Variants in CD2AP observed in about 807,000 individuals in gnomAD.
CD2AP encodes the protein CD2 associated protein.
A neutral mutation model predicts 85.1 loss-of-function variants in CD2AP; 46 were observed. That is an observed-to-expected ratio of 0.54 (90% CI 0.43 to 0.69). CD2AP has a LOEUF of 0.69. Among genes scored for constraint, CD2AP ranks in the 30% least tolerant of loss-of-function variants. The pLI, the probability that CD2AP is intolerant of heterozygous loss-of-function variation, is 0.00. For synonymous variants in CD2AP, 255 were observed against 252.9 expected, an observed-to-expected ratio of 1.01 and a Z score of -0.08; for missense variants, 769 against 729.5, an observed-to-expected ratio of 1.05 and a Z score of -0.62.
At chr6:47,485,797 C>T (rs571687586) in intron 1 of CD2AP, among the ~76,000 whole-genome samples, 3 of 152,228 alleles carry the variant, frequency 2.0e-5, no homozygotes, top group Non-Finnish European at 4.4e-5. Flanking sequence ...TTTAAATATA[C>T]AGATACTTAA....
rs933075061 is a variant in CD2AP at position 47,614,556 on chromosome 6, C to T, written c.1878+2020C>T. On this transcript the variant is annotated intron_variant, in intron 17 of 17. Transcript: ENST00000359314. ...CAATTACAATATTAACATCAAAGAT[C>T]ACTGGTCACAAATCACCATTAACAT... Among the ~76,000 whole-genome samples, 5 of 152,244 alleles carry T rather than the reference C, an allele frequency of 3.3e-5. 1 individual carries two copies. The South Asian group carries it at 6.2e-4, about 19-fold the overall frequency.
intron 11 of CD2AP, among the ~76,000 whole-genome samples, chr6:47,590,105 A>T (rs1768750638): frequency 6.6e-6 from 1 of 152,114 alleles, no homozygotes; most frequent in African/African-American, 2.4e-5. Context: ...ATAATTAGGC[A>T]TACTGATAGA....
chr6:47,591,372 A>G (rs1768787780), intron 11 of CD2AP, among the ~76,000 whole-genome samples: 1 of 152,146 alleles, frequency 6.6e-6, no homozygotes, highest in Non-Finnish European at 1.5e-5. Flanking sequence ...TATACTTACC[A>G]TTTCTGAAAA....
chr6:47,501,027 G>A (rs1765984665), intron 1 of CD2AP, among the ~76,000 whole-genome samples: 2 of 152,162 alleles, frequency 1.3e-5, no homozygotes, highest in African/African-American at 2.4e-5. Context: ...GATTATGGGC[G>A]TGAGCCACTG....
chr6:47,551,819 C>G (rs1277568351), intron 4 of CD2AP, among the ~76,000 whole-genome samples: 1 of 152,144 alleles, frequency 6.6e-6, no homozygotes, highest in Non-Finnish European at 1.5e-5. Context: ...AAGACTGTAA[C>G]TGCCAATTGG....
At chr6:47,562,410 G>A (rs1767886786) in intron 5 of CD2AP, among the ~76,000 whole-genome samples, 1 of 152,110 alleles carries the variant, frequency 6.6e-6, no homozygotes, top group South Asian at 2.1e-4. Context: ...AATGATGAGA[G>A]CTAGGAATAA....
At chr6:47,613,508 C>CTT (rs34881852) in intron 17 of CD2AP, among the ~76,000 whole-genome samples, 51 of 147,170 alleles carry the variant, frequency 3.5e-4, no homozygotes, top group Middle Eastern at 3.5e-3. Flanking sequence ...AAAAATAATC[C>CTT]TTTTTTTTTT....
intron 4 of CD2AP, among the ~76,000 whole-genome samples, chr6:47,551,953 C>T (rs1410474465): frequency 6.6e-6 from 1 of 152,028 alleles, no homozygotes; most frequent in Admixed American, 6.6e-5. Context: ...CACATATTAG[C>T]TTTATTGCCC....
chr6:47,491,823 T>A lies in CD2AP; in HGVS notation c.5-11457T>A, dbSNP rs183508550. 4.7e-3 allele frequency among the ~76,000 whole-genome samples: 712 copies of A among 152,174 alleles called. 4 individuals are homozygous for A. The highest frequency in any genetic ancestry group is 0.015 in the African/African-American group (606 of 41,546). On this transcript the variant is annotated intron_variant, in intron 1 of 17. Coordinates refer to ENST00000359314, the MANE Select transcript of CD2AP (RefSeq NM_012120.3). ...TTTTTGTTTAAATACTGATTTTTTT[T>A]AAAAAAGTTATTAACAACTAGTAAA...
At chr6:47,530,289 C>T (rs1374476569) in intron 2 of CD2AP, among the ~76,000 whole-genome samples, 5 of 152,100 alleles carry the variant, frequency 3.3e-5, no homozygotes, top group African/African-American at 7.2e-5. Flanking sequence ...TGTATACAAC[C>T]GTGAAACCTC....
At chr6:47,559,257 ATTT>A (rs76704002) in intron 5 of CD2AP, among the ~76,000 whole-genome samples, 2 of 130,620 alleles carry the variant, frequency 1.5e-5, no homozygotes, top group Non-Finnish European at 1.7e-5. Context: ...GTTTCGTGCA[ATTT>A]TTTTTTTTTT....
rs182842726 is a variant in CD2AP at position 47,580,411 on chromosome 6, T to C, written c.1009-453T>C. ...TTTGAGAGTTCCAAAGAGTTAAGAG[T>C]GAAAACTAAGTCTATTTGTTGCTAC... On this transcript the variant is annotated intron_variant, in intron 9 of 17. Transcript: ENST00000359314. Among the ~76,000 whole-genome samples, 70 of 151,956 alleles carry C rather than the reference T, an allele frequency of 4.6e-4. 1 individual carries two copies. The highest frequency in any genetic ancestry group is 1.7e-3 in the African/African-American group (69 of 41,436).
At chr6:47,606,708 A>G (rs948166245) in intron 14 of CD2AP, among the ~76,000 whole-genome samples, 4 of 152,068 alleles carry the variant, frequency 2.6e-5, no homozygotes, top group East Asian at 1.9e-4. Context: ...ATAGATTTGT[A>G]TATTTATGGG....
In CD2AP at chr6:47,627,248, C is replaced by T. The variant is rs1769932392; in HGVS notation, c.*3021C>T. ...TCCAAATACAAGAATAAATAGTAAA[C>T]CAAAAACATTAAAAATTCTAGACCC... On this transcript the variant is annotated 3_prime_UTR_variant, in exon 18 of 18. Coordinates refer to ENST00000359314, the MANE Select transcript of CD2AP (RefSeq NM_012120.3). 6.6e-6 allele frequency: 1 copy of T among 151,964 alleles called. No homozygotes were observed. The highest frequency in any genetic ancestry group is 2.1e-4 in the South Asian group (1 of 4,812). The allele number at this position is 151,964 out of a possible 1,614,324, so 9.4% of individuals were successfully genotyped here.
At chr6:47,592,353 A>G (rs921754745) in intron 11 of CD2AP, among the ~76,000 whole-genome samples, 5 of 152,168 alleles carry the variant, frequency 3.3e-5, no homozygotes, top group Admixed American at 3.3e-4. Flanking sequence ...GTAACTGAAA[A>G]TGGATCATTG....
At chr6:47,581,390 C>T (rs9296566) in intron 10 of CD2AP, among the ~76,000 whole-genome samples, 91,835 of 151,874 alleles carry the variant, frequency 0.6, 28,569 homozygotes, top group Middle Eastern at 0.74. Context: ...CCATAATTTT[C>T]GAATAATTGA....
At chr6:47,561,050 A>G (rs1371186440) in intron 5 of CD2AP, among the ~76,000 whole-genome samples, 1 of 152,146 alleles carries the variant, frequency 6.6e-6, no homozygotes, top group African/African-American at 2.4e-5. Context: ...GTCTATTACC[A>G]GTATTATTTA....
At chr6:47,499,699 T>A (rs1765952807) in intron 1 of CD2AP, among the ~76,000 whole-genome samples, 1 of 152,150 alleles carries the variant, frequency 6.6e-6, no homozygotes, top group Non-Finnish European at 1.5e-5. Context: ...AAAAGCTAAC[T>A]GGGAACTCTG....
chr6:47,581,293 AG>A (rs1768474059), intron 10 of CD2AP, among the ~76,000 whole-genome samples: 1 of 152,212 alleles, frequency 6.6e-6, no homozygotes, highest in African/African-American at 2.4e-5. Context: ...GGTTAAACAA[AG>A]TAGATGATTT....
Sources: gnomAD v4.1 joint callset for allele counts (sites outside exome capture counted in the v4.1 genomes callset) on GRCh38, gnomAD v4.1.1 for gene constraint, MANE v1.5 for transcripts, NCBI Gene and HGNC (gene_info 2026-07-23, HGNC 2026-07-21) for gene names.